The following AKT3 variants were observed in gnomAD, a reference collection of about 807,000 sequenced individuals.
AKT3 encodes AKT serine/threonine kinase 3.
A neutral mutation model predicts 65.3 loss-of-function variants in AKT3; 15 were observed. The observed-to-expected ratio is 0.23, with a 90% CI of 0.15 to 0.35. The LOEUF is 0.35. Among genes scored for constraint, AKT3 ranks in the 10% least tolerant of loss-of-function variants. The pLI, the probability that AKT3 is intolerant of heterozygous loss-of-function variation, is 1.00. For missense variants in AKT3, 243 were observed against 576.5 expected, an observed-to-expected ratio of 0.42 and a Z score of 5.92; for synonymous variants, 206 against 183.8, an observed-to-expected ratio of 1.12 and a Z score of -0.98.
intron 13 of AKT3, chr1:243,489,149 C>T: frequency 6.2e-7 from 1 of 1,611,438 alleles, no homozygotes; most frequent in Non-Finnish European, 8.5e-7. Context: ...AGGTACTGTG[C>T]AGAACGCGGC....
chr1:243,738,678 C>T (rs1687977338), intron 2 of AKT3, among the ~76,000 whole-genome samples: 1 of 152,052 alleles, frequency 6.6e-6, no homozygotes, highest in South Asian at 2.1e-4. Context: ...CAGATAATGA[C>T]ACGGAAATAA....
At chr1:243,672,365 A>C (rs1259981599) in intron 3 of AKT3, among the ~76,000 whole-genome samples, 1 of 152,236 alleles carries the variant, frequency 6.6e-6, no homozygotes, top group African/African-American at 2.4e-5. Flanking sequence ...CTAATAATGG[A>C]AAAGTGATCT....
intron 13 of AKT3, among the ~76,000 whole-genome samples, chr1:243,491,116 CAGG>C (rs1666300910): frequency 6.6e-6 from 1 of 152,224 alleles, no homozygotes; most frequent in Non-Finnish European, 1.5e-5. Flanking sequence ...TGGACTAGAT[CAGG>C]AGAACGTGGG....
chr1:243,550,760 A>G (rs1250025716), intron 11 of AKT3, among the ~76,000 whole-genome samples: 1 of 128,220 alleles, frequency 7.8e-6, no homozygotes, highest in Admixed American at 9.4e-5. Flanking sequence ...CCTGGCCAAC[A>G]TGGTGAAACC....
chr1:243,709,150 T>C (rs554917772), intron 2 of AKT3, among the ~76,000 whole-genome samples: 104 of 151,836 alleles, frequency 6.8e-4, no homozygotes, highest in South Asian at 2.5e-3. Flanking sequence ...AGTGGTATGA[T>C]AGACCTTTAC....
At chr1:243,639,550 C>A (rs1402240094) in intron 5 of AKT3, among the ~76,000 whole-genome samples, 1 of 152,132 alleles carries the variant, frequency 6.6e-6, no homozygotes, top group African/African-American at 2.4e-5. Flanking sequence ...GCTCATTATA[C>A]ATTCATTATA....
chr1:243,848,968 C>G (rs1194326183), intron 1 of AKT3, among the ~76,000 whole-genome samples: 1 of 152,182 alleles, frequency 6.6e-6, no homozygotes, highest in African/African-American at 2.4e-5. Flanking sequence ...TAAGCATTTC[C>G]TCTGCTTTCA....
chr1:243,843,481 T>C (rs1430042032), intron 1 of AKT3, 199 bp from the exon 2 acceptor site: 22 of 1,074,212 alleles, frequency 2.0e-5, no homozygotes, highest in Admixed American at 4.8e-5. Flanking sequence ...TTTCAAATGA[T>C]AGTGAAACTT....
At chr1:243,779,699 A>G (rs1216531655) in intron 2 of AKT3, among the ~76,000 whole-genome samples, 1 of 152,224 alleles carries the variant, frequency 6.6e-6, no homozygotes, top group South Asian at 2.1e-4. Flanking sequence ...AGAATTAAAA[A>G]TAAAGGAAAG....
At chr1:243,602,160 A>G (rs1677058583) in intron 8 of AKT3, among the ~76,000 whole-genome samples, 1 of 152,206 alleles carries the variant, frequency 6.6e-6, no homozygotes, top group Non-Finnish European at 1.5e-5. Flanking sequence ...CAATGCATTC[A>G]ATTACATTTA....
At chr1:243,772,355 C>A (rs1020241783) in intron 2 of AKT3, among the ~76,000 whole-genome samples, 1 of 151,864 alleles carries the variant, frequency 6.6e-6, no homozygotes, top group African/African-American at 2.4e-5. Flanking sequence ...AAAAAACAAC[C>A]CCATCAAAAA....
chr1:243,686,890 C>T (rs1405087209), intron 3 of AKT3, among the ~76,000 whole-genome samples: 1 of 150,934 alleles, frequency 6.6e-6, no homozygotes, highest in African/African-American at 2.4e-5. Context: ...CTCTCAAATT[C>T]CTGACCTCAA....
At chr1:243,675,724 A>C (rs1683465600) in intron 3 of AKT3, among the ~76,000 whole-genome samples, 1 of 152,132 alleles carries the variant, frequency 6.6e-6, no homozygotes, top group Non-Finnish European at 1.5e-5. Context: ...ATTTCTTTGC[A>C]GCATTTGATG....
chr1:243,494,447 T>C (rs1558551934), intron 13 of AKT3, among the ~76,000 whole-genome samples: 1 of 152,216 alleles, frequency 6.6e-6, no homozygotes, highest in Non-Finnish European at 1.5e-5. Flanking sequence ...TGCCTGAGTG[T>C]TTTTAAAAAA....
chr1:243,779,666 C>T (rs1300149640), intron 2 of AKT3, among the ~76,000 whole-genome samples: 4 of 151,960 alleles, frequency 2.6e-5, no homozygotes, highest in African/African-American at 9.7e-5. Context: ...AAAAATACTG[C>T]ATGAAGAACA....
At chr1:243,707,150 G>A (rs1268961609) in intron 2 of AKT3, among the ~76,000 whole-genome samples, 1 of 152,122 alleles carries the variant, frequency 6.6e-6, no homozygotes, top group Non-Finnish European at 1.5e-5. Context: ...TCAGAGTAAG[G>A]CTAAGGAAAC....
chr1:243,579,235 A>G (rs1675161769), intron 8 of AKT3, among the ~76,000 whole-genome samples: 1 of 152,204 alleles, frequency 6.6e-6, no homozygotes, highest in Non-Finnish European at 1.5e-5. Context: ...GCATTTGATA[A>G]CACAGCTTTG....
chr1:243,826,096 C>T (rs575235650), intron 2 of AKT3, among the ~76,000 whole-genome samples: 2 of 151,986 alleles, frequency 1.3e-5, no homozygotes, highest in South Asian at 4.2e-4. Flanking sequence ...GGCACCACTG[C>T]ACTCCATCCT....
At chr1:243,499,588 G>A (rs993496515), downstream of AKT3, 9 of 673,696 alleles carry the variant, frequency 1.3e-5, no homozygotes, top group African/African-American at 8.9e-5. Flanking sequence ...GCTTTGATGT[G>A]GACAAGATGA....
Sources: gnomAD v4.1 joint callset for allele counts (sites outside exome capture counted in the v4.1 genomes callset) on GRCh38, gnomAD v4.1.1 for gene constraint, MANE v1.5 for transcripts, NCBI Gene and HGNC (gene_info 2026-07-23, HGNC 2026-07-21) for gene names.